Variants in PCDHA11 observed in about 807,000 individuals in gnomAD.
The protein encoded by PCDHA11 is protocadherin alpha-11.
A neutral mutation model predicts 70.3 loss-of-function variants in PCDHA11; 61 were observed. That is an observed-to-expected ratio of 0.87 (90% CI 0.71 to 1.07). PCDHA11 has a LOEUF of 1.07. Among genes scored for constraint, PCDHA11 ranks in the 50% least tolerant of loss-of-function variants. The probability of loss-of-function intolerance (pLI) is 0.00; values close to 1 mark genes in which losing one functional copy is unlikely to be tolerated. For missense variants in PCDHA11, 1,324 were observed against 1,237.5 expected (o/e 1.07, Z -1.05); for synonymous variants, 633 against 555.1 (o/e 1.14, Z -1.97).
At chr5:140,933,265 A>G (rs2088994304) in intron 1 of PCDHA11, among the ~76,000 whole-genome samples, 1 of 152,000 alleles carries the variant, frequency 6.6e-6, no homozygotes, top group East Asian at 1.9e-4. Context: ...AGGTTATTAT[A>G]TATTCATTTG....
chr5:140,954,046 G>T (rs1554221229), intron 1 of PCDHA11, among the ~76,000 whole-genome samples: 1 of 152,124 alleles, frequency 6.6e-6, no homozygotes, highest in East Asian at 1.9e-4. Context: ...TTGGTTTTCT[G>T]TTCCTGCATT....
intron 3 of PCDHA11, among the ~76,000 whole-genome samples, chr5:140,985,406 GA>G (rs1554247033): frequency 6.6e-6 from 1 of 152,136 alleles, no homozygotes; most frequent in Non-Finnish European, 1.5e-5. Flanking sequence ...TGTTCCCCTG[GA>G]AATGGAGTGA....
chr5:140,961,647 G>C (rs1204313600), intron 1 of PCDHA11, among the ~76,000 whole-genome samples: 10 of 152,104 alleles, frequency 6.6e-5, no homozygotes, highest in African/African-American at 2.4e-4. Flanking sequence ...AAGTCTATGT[G>C]GTTAGTTTGA....
chr5:140,966,453 C>G, intron 1 of PCDHA11: 1 of 426,310 alleles, frequency 2.3e-6, no homozygotes, highest in Non-Finnish European at 4.1e-6. Flanking sequence ...TTCCCCCTCC[C>G]CCTCTGTCTT....
chr5:140,901,139 A>G (rs1186725760), intron 1 of PCDHA11, among the ~76,000 whole-genome samples: 1 of 151,726 alleles, frequency 6.6e-6, no homozygotes, highest in Non-Finnish European at 1.5e-5. Context: ...GATTGTAAAT[A>G]TTTTCTCTCA....
chr5:140,910,103 T>C (rs1485345908), intron 1 of PCDHA11, among the ~76,000 whole-genome samples: 2 of 152,192 alleles, frequency 1.3e-5, no homozygotes, highest in Admixed American at 6.5e-5. Flanking sequence ...CTCCCCTTCA[T>C]TTAAGGGATT....
At chr5:140,895,636 T>C (rs1554186575) in intron 1 of PCDHA11, among the ~76,000 whole-genome samples, 1 of 152,178 alleles carries the variant, frequency 6.6e-6, no homozygotes, top group Non-Finnish European at 1.5e-5. Context: ...TTTCACATTC[T>C]TTTTTAGCTC....
chr5:140,906,611 C>T (rs2072787341), intron 1 of PCDHA11, among the ~76,000 whole-genome samples: 1 of 152,196 alleles, frequency 6.6e-6, no homozygotes, highest in Non-Finnish European at 1.5e-5. Flanking sequence ...ATTCTGTATT[C>T]CCTTTGCCTT....
intron 1 of PCDHA11, among the ~76,000 whole-genome samples, chr5:140,974,767 T>C (rs559758887): frequency 1.2e-4 from 18 of 152,098 alleles, no homozygotes; most frequent in Non-Finnish European, 2.4e-4. Flanking sequence ...GGATTACAGG[T>C]ATGAGCCACT....
At position 140,876,236 on chromosome 5, in the gene PCDHA11, T is replaced by A. The variant is rs782328225; in HGVS notation, c.2391+4742T>A. ...TATAAAGTAGTGTTGTCTGAAAATG[T>A]CCAAAACGACACAAGAGTGATCCAA... On this transcript the variant is annotated intron_variant, in intron 1 of 3. Coordinates refer to ENST00000398640, the MANE Select transcript of PCDHA11 (RefSeq NM_018902.5). The A allele has an allele frequency of 6.2e-7, 1 of 1,613,856 alleles. No homozygotes were observed. Among genetic ancestry groups the A allele is most frequent in the African/African-American group, 1.3e-5 (1 of 74,914 alleles).
At chr5:140,918,129 T>C (rs1299993749) in intron 1 of PCDHA11, among the ~76,000 whole-genome samples, 2 of 152,198 alleles carry the variant, frequency 1.3e-5, no homozygotes, top group African/African-American at 2.4e-5. Flanking sequence ...GCCATATTCC[T>C]AGGTATTTTC....
intron 3 of PCDHA11, among the ~76,000 whole-genome samples, chr5:141,000,383 CTCTCTCTCTCTCTATA>C (rs1346959358): frequency 3.2e-5 from 2 of 63,198 alleles, no homozygotes; most frequent in African/African-American, 1.4e-4. Context: ...CTCTCTCTCT[CTCTCTCTCTCTCTATA>C]TATATATATA....
At chr5:140,911,316 A>G (rs1308533373) in intron 1 of PCDHA11, among the ~76,000 whole-genome samples, 1 of 152,186 alleles carries the variant, frequency 6.6e-6, no homozygotes, top group African/African-American at 2.4e-5. Context: ...TCCAAGTTTC[A>G]GGATCCCATT....
At chr5:140,986,246 C>G (rs561365390) in intron 3 of PCDHA11, among the ~76,000 whole-genome samples, 1 of 152,296 alleles carries the variant, frequency 6.6e-6, no homozygotes, top group South Asian at 2.1e-4. Flanking sequence ...TGAGCAGACC[C>G]GGACCACAGG....
Position 140,869,764 on chromosome 5 carries a change from G to A in PCDHA11, c.661G>A (p.Glu221Lys), listed in dbSNP as rs1554163420. 4 of 1,613,244 alleles carry A rather than the reference G, an allele frequency of 2.5e-6. No homozygotes were observed. Among genetic ancestry groups the A allele is most frequent in the East Asian group, 4.5e-5 (2 of 44,884 alleles). Residue 221 changes from glutamate (E) to lysine (K), a missense_variant, in exon 1 of 4, where the codon GAG becomes AAG. Glu to Lys is a moderately conservative substitution (Grantham distance 56). Transcript: ENST00000398640. ...AACAGCTACAGACGGGGGAAAACCAGAGCTTACTGGCACCGTTCGGCTGTT... is the reference window on the plus strand; with the variant it reads ...AACAGCTACAGACGGGGGAAAACCAAAGCTTACTGGCACCGTTCGGCTGTT... ...LLTATDGGKPELTGTVRLLVQ... is the reference protein window; with the variant it reads ...LLTATDGGKPKLTGTVRLLVQ...
chr5:140,928,875 T>C (rs781860300), intron 1 of PCDHA11: 1 of 1,614,184 alleles, frequency 6.2e-7, no homozygotes, highest in Non-Finnish European at 8.5e-7. Context: ...ACTCTGTCCC[T>C]CAGTTACTTC....
chr5:140,966,050 C>T (rs1554228018), intron 1 of PCDHA11, among the ~76,000 whole-genome samples: 3 of 152,206 alleles, frequency 2.0e-5, no homozygotes, highest in African/African-American at 7.2e-5. Context: ...TCGCCAGTAA[C>T]CCCAGAGCGC....
chr5:140,947,872 T>C (rs2094186307), intron 1 of PCDHA11, among the ~76,000 whole-genome samples: 1 of 151,588 alleles, frequency 6.6e-6, no homozygotes, highest in Admixed American at 6.6e-5. Context: ...GGCTAGGACT[T>C]CCAGGACAAT....
At chr5:140,981,289 C>G (rs1554242771) in intron 2 of PCDHA11, among the ~76,000 whole-genome samples, 1 of 152,138 alleles carries the variant, frequency 6.6e-6, no homozygotes, top group Non-Finnish European at 1.5e-5. Flanking sequence ...AAAGGGTCCT[C>G]TAGTCTAGGT....
Sources: allele counts gnomAD v4.1 joint callset (sites outside exome capture counted in the v4.1 genomes callset), GRCh38; gene constraint gnomAD v4.1.1; transcripts MANE v1.5; gene names NCBI Gene and HGNC (gene_info 2026-07-23, HGNC 2026-07-21).